The following DVL2 variants were observed in gnomAD, a reference collection of about 807,000 sequenced individuals.
The protein encoded by DVL2 is segment polarity protein dishevelled homolog DVL-2.
In DVL2, 38 loss-of-function variants were observed where a neutral mutation model predicts 69.8. The observed-to-expected ratio is 0.54, with a 90% CI of 0.42 to 0.71. The LOEUF (loss-of-function observed/expected upper bound fraction) is 0.71, where lower values mean the gene tolerates loss of function less well. DVL2 is among the 30% of genes least tolerant of loss of function. The pLI is 0.00. For missense variants in DVL2, 931 were observed against 1,008.1 expected (o/e 0.92, Z 1.04); for synonymous variants, 428 against 392.4 (o/e 1.09, Z -1.07).
chr17:7,226,958 C>T, intron 13 of DVL2, 132 bp downstream of exon 13: 1 of 910,052 alleles, frequency 1.1e-6, no homozygotes, highest in East Asian at 2.5e-5. Flanking sequence ...CAGTGCAGGA[C>T]CTAGTGCGGG....
chr17:7,228,932 AG>A (rs922479868), intron 9 of DVL2, 36 bp downstream of exon 9: 90 of 1,598,556 alleles, frequency 5.6e-5, no homozygotes, highest in Non-Finnish European at 7.4e-5. Flanking sequence ...AGAAAAAAAA[AG>A]AGGACTGAGG....
At chr17:7,228,130 G>T in intron 9 of DVL2, 86 bp from the exon 10 acceptor site, 1 of 1,136,140 alleles carries the variant, frequency 8.8e-7, no homozygotes, top group Non-Finnish European at 1.3e-6. Flanking sequence ...TGGATTAAGA[G>T]ACACAAAGAG....
intron 1 of DVL2, 101 bp from the exon 2 acceptor site, chr17:7,230,898 A>C (rs1394872237): frequency 1.2e-6 from 1 of 861,836 alleles, no homozygotes; most frequent in Non-Finnish European, 1.9e-6. Context: ...CAGGATGTTG[A>C]CTTTCTCCTG....
At position 7,226,177 on chromosome 17, in the gene DVL2, C is replaced by A; in HGVS notation, c.1899G>T (p.Arg633=). 6.2e-7 allele frequency: 1 copy of A among 1,611,968 alleles called. No individual in the cohort carries two copies. The highest frequency in any genetic ancestry group is 8.5e-7 in the Non-Finnish European group (1 of 1,179,350). The change falls in exon 15 of 15, where the codon CGG becomes CGT. Residue 633 remains arginine, a synonymous_variant. Transcript: ENST00000005340. ...EPSSRGGSLR[R]GGEASGTSDG... ...CGCTAGTCCCACTTGCTTCCCCACC[C>A]CGCCGAAGGCTGCCCCCTCGGCTGG...
Position 7,226,144 on chromosome 17 carries a change from G to T in DVL2, c.1932C>A (p.Gly644=), listed in dbSNP as rs1299789778. 2 of 1,605,846 alleles carry T rather than the reference G, an allele frequency of 1.2e-6. No individual in the cohort carries two copies. The highest frequency in any genetic ancestry group is 1.7e-5 in the Admixed American group (1 of 59,146). ...CAGTTGAGCCTCTGGATGGAGGAGGGCCCCCATCGCTAGTCCCACTTGCTT... is the reference window on the plus strand; with the variant it reads ...CAGTTGAGCCTCTGGATGGAGGAGGTCCCCCATCGCTAGTCCCACTTGCTT... ...GGEASGTSDG[G]PPPSRGSTGG... is the part of the protein sequence containing the mutation. The change falls in exon 15 of 15, where the codon GGC becomes GGA. Residue 644 remains glycine (G), a synonymous_variant. Transcript: ENST00000005340.
chr17:7,226,889 G>A (rs2071462747), intron 13 of DVL2: 1 of 655,718 alleles, frequency 1.5e-6, no homozygotes, highest in Non-Finnish European at 2.6e-6. Flanking sequence ...ACACAGTCCT[G>A]CACCTGGCAC....
chr17:7,232,157 ACACT>A (rs1302990806), intron 1 of DVL2, among the ~76,000 whole-genome samples: 1 of 152,230 alleles, frequency 6.6e-6, no homozygotes, highest in Admixed American at 6.5e-5. Context: ...CACACACCAC[ACACT>A]GACACTTAAG....
Position 7,229,856 on chromosome 17 carries a change from A to G in DVL2, c.608T>C (p.Leu203Pro). ...ESSSTLMTSE[L>P]ESTSLGDSDE... Reference sequence around the variant, plus strand: ...CGAGTCCCCCAGGCTGGTACTCTCCAGCTCGCTGGTCATGAGGGTAGAGGA... The same window carrying G: ...CGAGTCCCCCAGGCTGGTACTCTCCGGCTCGCTGGTCATGAGGGTAGAGGA... The change falls in exon 5 of 15, where the codon CTG becomes CCG. Residue 203 changes from leucine (L) to proline (P), a missense_variant. Transcript: ENST00000005340. This position sits in a 1 kb window ranked among gnomAD's most constrained non-coding sequence, Gnocchi z 4.4. The G allele has an allele frequency of 6.2e-7, 1 of 1,612,126 alleles. No homozygotes were observed. Among genetic ancestry groups the G allele is most frequent in the Non-Finnish European group, 8.5e-7 (1 of 1,179,944 alleles).
At chr17:7,233,172 A>G (rs1164617850) in intron 1 of DVL2, among the ~76,000 whole-genome samples, 1 of 151,420 alleles carries the variant, frequency 6.6e-6, no homozygotes, top group East Asian at 1.9e-4. Flanking sequence ...CTTTCTCTGC[A>G]TTATTTACAC....
intron 3 of DVL2, 53 bp downstream of exon 3, chr17:7,230,232 C>T: frequency 6.2e-7 from 1 of 1,612,202 alleles, no homozygotes; most frequent in Non-Finnish European, 8.5e-7. Flanking sequence ...TACCAAAGGC[C>T]TGGGTTCCCT....
chr17:7,228,314 T>C (rs1038846624), intron 9 of DVL2: 6 of 301,340 alleles, frequency 2.0e-5, no homozygotes, highest in Non-Finnish European at 3.1e-5. Flanking sequence ...AAAACGAAAC[T>C]GCAGTGTTCA....
rs749229405 is a variant in DVL2 at position 7,230,047 on chromosome 17, G to T, written c.519C>A (p.Gly173=). The part of the protein sequence containing the change: ...RPRRRDSSEH[G]AGGHRTGGPS... ...CCGGCCCCCAGGCCTGCCCCTCACC[G>T]CCATGCTCACTGCTGTCTCTCCTGC... Residue 173 remains glycine (G), a splice_region_variant and synonymous_variant, in exon 4 of 15, where the codon GGC becomes GGA. Transcript: ENST00000005340. The T allele has an allele frequency of 4.3e-6, 7 of 1,613,530 alleles. No homozygotes were observed. The African/African-American group carries it at 9.3e-5, about 22-fold the overall frequency.
intron 1 of DVL2, among the ~76,000 whole-genome samples, chr17:7,233,087 C>CAAAAAAAA (rs59984818): frequency 0.061 from 2,206 of 36,130 alleles, 369 homozygotes; most frequent in African/African-American, 0.16. Flanking sequence ...GAGACTGTCT[C>CAAAAAAAA]AAAAAAAAAA....
In DVL2 at chr17:7,226,161, C is replaced by T; in HGVS notation, c.1915G>A (p.Gly639Arg). 6.2e-7 allele frequency: 1 copy of T among 1,610,810 alleles called. No individual in the cohort carries two copies. Among genetic ancestry groups the T allele is most frequent in the Non-Finnish European group, 8.5e-7 (1 of 1,178,608 alleles). Reference sequence around the variant, plus strand: ...GGAGGAGGGCCCCCATCGCTAGTCCCACTTGCTTCCCCACCCCGCCGAAGG... The same window carrying T: ...GGAGGAGGGCCCCCATCGCTAGTCCTACTTGCTTCCCCACCCCGCCGAAGG... ...GSLRRGGEAS[G>R]TSDGGPPPSR... The change falls in exon 15 of 15, where the codon GGG becomes AGG. Residue 639 changes from glycine to arginine, a missense_variant. Around this residue, in one of 3 missense-constraint regions of DVL2, gnomAD observed 314 missense variants for 313.7 expected, o/e 1.00. Transcript: ENST00000005340.
chr17:7,230,504 T>C, intron 2 of DVL2, 74 bp from the exon 3 acceptor site: 1 of 1,578,880 alleles, frequency 6.3e-7, no homozygotes, highest in East Asian at 2.2e-5. Context: ...AGTGAAAGAA[T>C]GAGAAAGGGT....
intron 13 of DVL2, 200 bp downstream of exon 13, chr17:7,226,890 C>T: frequency 1.5e-6 from 1 of 656,838 alleles, no homozygotes; most frequent in Non-Finnish European, 2.6e-6. Flanking sequence ...CACAGTCCTG[C>T]ACCTGGCACA....
Position 7,234,202 on chromosome 17 carries a change from C to A in DVL2, c.61G>T (p.Asp21Tyr), listed in dbSNP as rs763284855. ...ACCAGGTAGGGAGTCTCTTCCTCAT[C>A]CAGGTGGTAAATCACCTTCGTCTCC... The part of the protein sequence containing the change: ...VGETKVIYHL[D>Y]EEETPYLVKI... Residue 21 changes from aspartate (D) to tyrosine (Y), a missense_variant, in exon 1 of 15, where the codon GAT (aspartate) becomes TAT (tyrosine). Transcript: ENST00000005340. The A allele has an allele frequency of 1.4e-5, 22 of 1,614,038 alleles. No individual in the cohort carries two copies. Among genetic ancestry groups the A allele is most frequent in the Non-Finnish European group, 1.8e-5 (21 of 1,180,020 alleles).
At position 7,226,722 on chromosome 17, in the gene DVL2, C is replaced by A. The variant is rs867656789; in HGVS notation, c.1544-83G>T. 2.0e-4 allele frequency: 218 copies of A among 1,109,614 alleles called. 1 individual carries two copies. The Middle Eastern group carries it at 6.3e-3, about 32-fold the overall frequency. 68.7% of individuals were successfully genotyped at this position (1,109,614 alleles called of 1,614,324 possible). On this transcript the variant is annotated intron_variant, in intron 13 of 14. Coordinates refer to ENST00000005340, the MANE Select transcript of DVL2 (RefSeq NM_004422.3). ...ACACCGAATGGAGAGGAACTGGGAA[C>A]AGTTCTCCCAGACCCACCCACGATG...
chr17:7,233,451 G>GT (rs200029029), intron 1 of DVL2, among the ~76,000 whole-genome samples: 1,573 of 151,674 alleles, frequency 0.01, 28 homozygotes, highest in African/African-American at 0.036. Context: ...AGTGTTTTTT[G>GT]TTTTTTTTCT....
Sources: allele counts gnomAD v4.1 joint callset (sites outside exome capture counted in the v4.1 genomes callset), GRCh38; gene constraint gnomAD v4.1.1; regional missense constraint gnomAD v4.1.1; non-coding constraint Gnocchi (gnomAD v3.1); transcripts MANE v1.5; gene names NCBI Gene and HGNC (gene_info 2026-07-23, HGNC 2026-07-21).